VTCN1: variants seen among roughly 807,000 people sequenced by gnomAD.
The protein encoded by VTCN1 is V-set domain containing T cell activation inhibitor 1, also known as V-set domain-containing T-cell activation inhibitor 1.
A neutral mutation model predicts 26.5 loss-of-function variants in VTCN1; 26 were observed. That is an observed-to-expected ratio of 0.98 (90% CI 0.72 to 1.36). The LOEUF (loss-of-function observed/expected upper bound fraction) is 1.36. VTCN1 is among the 40% of genes most tolerant of loss of function. The pLI is 0.00. For synonymous variants in VTCN1, 116 were observed against 130.7 expected (o/e 0.89, Z 0.77); for missense variants, 298 against 337.7 (o/e 0.88, Z 0.92).
chr1:117,166,936 A>G (rs1402054493), intron 2 of VTCN1, among the ~76,000 whole-genome samples: 2 of 150,282 alleles, frequency 1.3e-5, no homozygotes, highest in Non-Finnish European at 3.0e-5. Flanking sequence ...TACTAAAAGT[A>G]CAAAAAATTA....
rs147297210 is a variant in VTCN1, at chr1:117,145,713, A to C, written c.*46-488T>G. On this transcript the variant is annotated intron_variant, in intron 5 of 5. Transcript: ENST00000369458. This position sits in a 1 kb window ranked among gnomAD's most constrained non-coding sequence, Gnocchi z 4.6. ...AGTGGTGCAAACATTGGCTCACTGC[A>C]GCCTAAACCTCCTGGGCTCATGCAA... 7.2e-5 allele frequency among the ~76,000 whole-genome samples: 11 copies of C among 152,302 alleles called. No homozygotes were observed. The East Asian group carries it at 2.1e-3, about 29-fold the overall frequency.
intron 1 of VTCN1, among the ~76,000 whole-genome samples, chr1:117,191,639 G>A (rs186842025): frequency 0.014 from 2,135 of 152,178 alleles, 52 homozygotes; most frequent in African/African-American, 0.049. Flanking sequence ...AAAATTAGCC[G>A]GGCATGGTGG....
intron 1 of VTCN1, 139 bp from the exon 2 acceptor site, chr1:117,170,310 C>T (rs779146718): frequency 1.2e-6 from 1 of 827,876 alleles, no homozygotes; most frequent in Non-Finnish European, 2.1e-6. Context: ...TAAGCTTGTT[C>T]CTAGAAACGG....
At chr1:117,203,604 C>T in intron 1 of VTCN1, 1 of 985,278 alleles carries the variant, frequency 1.0e-6, no homozygotes, top group Non-Finnish European at 1.2e-6. Flanking sequence ...AGAAATGTAG[C>T]CTGGGTTTCT....
intron 1 of VTCN1, among the ~76,000 whole-genome samples, chr1:117,200,973 G>T (rs1421446978): frequency 6.6e-6 from 1 of 152,116 alleles, no homozygotes; most frequent in African/African-American, 2.4e-5. Flanking sequence ...TAGAGACAAG[G>T]TTTCTGCATG....
In VTCN1 at chr1:117,144,548, TC is replaced by T. The variant is rs1301036595; in HGVS notation, c.*722del. 2 of 152,186 alleles carry T rather than the reference TC, an allele frequency of 1.3e-5. No individual in the cohort carries two copies. The highest frequency in any genetic ancestry group is 6.5e-5 in the Admixed American group (1 of 15,292). The allele number at this position is 152,186 out of a possible 1,614,324, so 9.4% of individuals were successfully genotyped here. A position where few individuals can be genotyped will look rare whatever the true frequency, so the allele number is the denominator to read the frequency against. The stretch of plus-strand genomic sequence containing the variant: ...CTGGACCATTCACGGATGAACATCA[TC>T]TGAGAAATAAACCCGCATTTGTTTG... On this transcript the variant is annotated 3_prime_UTR_variant, in exon 6 of 6. Transcript: ENST00000369458.
intron 1 of VTCN1, among the ~76,000 whole-genome samples, chr1:117,192,984 CAAA>C: frequency 6.6e-6 from 1 of 151,992 alleles, no homozygotes; most frequent in East Asian, 1.9e-4. Context: ...AGGAAGAAAA[CAAA>C]ATAACAACAC....
Position 117,161,482 on chromosome 1 carries a change from G to A in VTCN1, c.98-4561C>T. On this transcript the variant is annotated intron_variant, in intron 2 of 5. Coordinates refer to ENST00000369458, the MANE Select transcript of VTCN1 (RefSeq NM_024626.4). This position sits in a 1 kb window ranked among gnomAD's most constrained non-coding sequence, Gnocchi z 4.3. Reference sequence around the variant, plus strand: ...CTTTTTGGCCTTTATTATAGCAGCTGTCTCCCTCTACCTGGTCTCTAATCT... The same window carrying A: ...CTTTTTGGCCTTTATTATAGCAGCTATCTCCCTCTACCTGGTCTCTAATCT... Among the ~76,000 whole-genome samples the A allele has an allele frequency of 6.6e-6, 1 of 152,102 alleles. No individual in the cohort carries two copies. The highest frequency in any genetic ancestry group is 1.9e-4 in the East Asian group (1 of 5,190).
Position 117,183,722 on chromosome 1 carries a change from A to G in VTCN1, c.33-13551T>C, listed in dbSNP as rs550930276. ...GTAGGGAATGAAGAGTTAAATTTCC[A>G]GAATAGTGCATACTAAATAGCCTTT... On this transcript the variant is annotated intron_variant, in intron 1 of 5. Coordinates refer to ENST00000369458, the MANE Select transcript of VTCN1 (RefSeq NM_024626.4). This position sits in a 1 kb window ranked among gnomAD's most constrained non-coding sequence, Gnocchi z 4.1. 3.3e-4 allele frequency among the ~76,000 whole-genome samples: 51 copies of G among 152,360 alleles called. No individual in the cohort carries two copies. Among genetic ancestry groups the G allele is most frequent in the African/African-American group, 1.2e-3 (51 of 41,582 alleles).
intron 2 of VTCN1, among the ~76,000 whole-genome samples, chr1:117,166,228 C>T (rs1425966043): frequency 1.3e-5 from 2 of 152,134 alleles, no homozygotes; most frequent in African/African-American, 4.8e-5. Context: ...ATATAAGTAG[C>T]AAACCTCCTG....
intron 1 of VTCN1, among the ~76,000 whole-genome samples, chr1:117,191,959 G>C (rs1408411227): frequency 6.6e-6 from 1 of 151,896 alleles, no homozygotes; most frequent in Admixed American, 6.6e-5. Flanking sequence ...GCAAGACCCT[G>C]TGGGGTGGGA....
rs764711725 is a variant in VTCN1 at position 117,170,131 on chromosome 1, G to A, written c.73C>T (p.Leu25Phe). Residue 25 changes from leucine to phenylalanine, a missense_variant, in exon 2 of 6, where the codon CTC (leucine) becomes TTC (phenylalanine). By Grantham distance (22) the Leu-to-Phe change is conservative. Transcript: ENST00000369458. ...CCTGAAATACCAAAGCCAATGATGA[G>A]TGCAATTGCTCCAGCCAGAATAATG... is the stretch of plus-strand genomic sequence containing the variant. The part of the protein sequence containing the change: ...IIIILAGAIA[L>F]IIGFGISGRH... The A allele has an allele frequency of 6.2e-7, 1 of 1,613,944 alleles. No individual in the cohort carries two copies. Among genetic ancestry groups the A allele is most frequent in the South Asian group, 1.1e-5 (1 of 91,080 alleles).
chr1:117,200,131 G>T (rs1320251505), intron 1 of VTCN1, among the ~76,000 whole-genome samples: 1 of 152,236 alleles, frequency 6.6e-6, no homozygotes, highest in Admixed American at 6.5e-5. Context: ...GCCAGTCACA[G>T]TGGCTTATGC....
intron 1 of VTCN1, among the ~76,000 whole-genome samples, chr1:117,202,838 C>T (rs1222973622): frequency 6.6e-6 from 1 of 152,102 alleles, no homozygotes; most frequent in Admixed American, 6.5e-5. Context: ...CCAGGATGAA[C>T]ACTCACTCCA....
chr1:117,151,709 C>T (rs1427834996), intron 4 of VTCN1, among the ~76,000 whole-genome samples: 2 of 152,142 alleles, frequency 1.3e-5, no homozygotes, highest in Non-Finnish European at 2.9e-5. Flanking sequence ...ACTCGACCCA[C>T]GAAGTCCGGC....
rs528755144 is a variant in VTCN1, at chr1:117,183,286, T to C, written c.33-13115A>G. Among the ~76,000 whole-genome samples the C allele has an allele frequency of 6.6e-6, 1 of 152,294 alleles. No individual in the cohort carries two copies. The highest frequency in any genetic ancestry group is 2.1e-4 in the South Asian group (1 of 4,826). On this transcript the variant is annotated intron_variant, in intron 1 of 5. Transcript: ENST00000369458. This position sits in a 1 kb window ranked among gnomAD's most constrained non-coding sequence, Gnocchi z 4.1. ...AACATGCAAGGAACTTACCAAATGC[T>C]TGTTGAATAAATGCCCCACCTTACA...
At position 117,155,612 on chromosome 1, in the gene VTCN1, T is replaced by A. The variant is rs192236783; in HGVS notation, c.445+962A>T. 1.1e-4 allele frequency among the ~76,000 whole-genome samples: 17 copies of A among 152,328 alleles called. No homozygotes were observed. Among genetic ancestry groups the A allele is most frequent in the South Asian group, 6.2e-4 (3 of 4,826 alleles). On this transcript the variant is annotated intron_variant, in intron 3 of 5. Transcript: ENST00000369458. This position sits in a 1 kb window ranked among gnomAD's most constrained non-coding sequence, Gnocchi z 4.8. Reference sequence around the variant, plus strand: ...CCTTTGACATGACCCCATTTTAAGATGAAGAAACTGAGGCTCAGAGAGATT... The same window carrying A: ...CCTTTGACATGACCCCATTTTAAGAAGAAGAAACTGAGGCTCAGAGAGATT...
intron 1 of VTCN1, chr1:117,172,480 C>T (rs1317141790): frequency 7.7e-6 from 4 of 518,670 alleles, no homozygotes; most frequent in African/African-American, 5.8e-5. Flanking sequence ...GCGAGAGGCA[C>T]CATCTGCTGT....
At chr1:117,174,229 C>G (rs553343969) in intron 1 of VTCN1, among the ~76,000 whole-genome samples, 133 of 152,258 alleles carry the variant, frequency 8.7e-4, no homozygotes, top group African/African-American at 3.1e-3. Flanking sequence ...TCACAGTGTA[C>G]TTTTGGTACC....
Sources: gnomAD v4.1 joint callset for allele counts (sites outside exome capture counted in the v4.1 genomes callset) on GRCh38, gnomAD v4.1.1 for gene constraint, Gnocchi (gnomAD v3.1) non-coding constraint, MANE v1.5 for transcripts, NCBI Gene and HGNC (gene_info 2026-07-23, HGNC 2026-07-21) for gene names.